GRIA4: variants seen among roughly 807,000 people sequenced by gnomAD.
GRIA4 encodes glutamate receptor 4.
In GRIA4, 34 loss-of-function variants were observed where a neutral mutation model predicts 104.0. That is an observed-to-expected ratio of 0.33 (90% CI 0.25 to 0.44). GRIA4 has a LOEUF of 0.44. Ranked by LOEUF, GRIA4 falls within the 20% of genes least tolerant of loss-of-function variation. The pLI, the probability that GRIA4 is intolerant of heterozygous loss-of-function variation, is 1.00. For missense variants in GRIA4, 750 were observed against 1,096.5 expected (o/e 0.68, Z 4.46); for synonymous variants, 386 against 381.9 (o/e 1.01, Z -0.13).
At chr11:105,907,579 C>T (rs1163184463) in intron 9 of GRIA4, among the ~76,000 whole-genome samples, 2 of 152,180 alleles carry the variant, frequency 1.3e-5, no homozygotes, top group Non-Finnish European at 2.9e-5. Flanking sequence ...CCACAAAGCT[C>T]TTTCTGAAGT....
At chr11:105,794,473 G>GTATGTATATATATA (rs1360490604) in intron 4 of GRIA4, among the ~76,000 whole-genome samples, 14 of 43,876 alleles carry the variant, frequency 3.2e-4, no homozygotes, top group Admixed American at 6.1e-4. Flanking sequence ...GTATATGTAT[G>GTATGTATATATATA]TATATATATA....
intron 6 of GRIA4, among the ~76,000 whole-genome samples, chr11:105,888,307 G>A (rs1303854864): frequency 6.8e-5 from 4 of 58,450 alleles, no homozygotes; most frequent in Admixed American, 5.4e-4. Flanking sequence ...TTTTTGAGAC[G>A]GAGTCTCACT....
rs145621957 is a variant in GRIA4, at chr11:105,697,433, A to T, written c.248-55548A>T. ...CTAAAATAGGCCTGAAAAGAGCCTG[A>T]CTCTGCTAAAAGGTGGGGCAAAGGT... is the stretch of plus-strand genomic sequence containing the variant. On this transcript the variant is annotated intron_variant, in intron 3 of 16. Transcript: ENST00000282499. Among the ~76,000 whole-genome samples the T allele has an allele frequency of 3.0e-4, 45 of 152,282 alleles. 1 individual carries two copies. Among genetic ancestry groups the T allele is most frequent in the African/African-American group, 9.1e-4 (38 of 41,580 alleles).
intron 5 of GRIA4, among the ~76,000 whole-genome samples, chr11:105,874,238 G>A (rs188811055): frequency 6.6e-6 from 1 of 152,104 alleles, no homozygotes; most frequent in Non-Finnish European, 1.5e-5. Flanking sequence ...GATGTATGGT[G>A]TTATTTCTGA....
chr11:105,854,182 G>A (rs928894496), intron 4 of GRIA4, among the ~76,000 whole-genome samples: 2 of 152,102 alleles, frequency 1.3e-5, no homozygotes, highest in Non-Finnish European at 2.9e-5. Context: ...GTAAAATCTA[G>A]AGTATATTAG....
intron 3 of GRIA4, among the ~76,000 whole-genome samples, chr11:105,697,090 T>G (rs1211007144): frequency 6.6e-6 from 1 of 152,194 alleles, no homozygotes; most frequent in Non-Finnish European, 1.5e-5. Flanking sequence ...TTTTATATTC[T>G]GAAATAGCTA....
intron 3 of GRIA4, among the ~76,000 whole-genome samples, chr11:105,660,980 T>C (rs898316071): frequency 4.0e-5 from 6 of 151,732 alleles, no homozygotes; most frequent in Admixed American, 3.3e-4. Flanking sequence ...AAAGTATGTG[T>C]TCTTAACCTT....
intron 5 of GRIA4, among the ~76,000 whole-genome samples, chr11:105,868,591 C>T (rs1945510089): frequency 2.6e-5 from 4 of 152,130 alleles, no homozygotes; most frequent in Non-Finnish European, 5.9e-5. Context: ...CTTCAATTAC[C>T]TGGGAGGCTT....
chr11:105,752,997 T>C lies in GRIA4; in HGVS notation c.264T>C (p.Ser88=), dbSNP rs1359695030. Residue 88 remains serine, a synonymous_variant, in exon 4 of 17, where the codon TCT becomes TCC. Transcript: ENST00000282499. ...TTGTTTCAGTCTGTTCCCAGTATTC[T>C]AGAGGAGTATTTGCCATTTTTGGAC... ...AVTNAFCSQY[S]RGVFAIFGLY... The C allele has an allele frequency of 1.2e-6, 2 of 1,613,020 alleles. No individual in the cohort carries two copies. The highest frequency in any genetic ancestry group is 1.3e-5 in the African/African-American group (1 of 74,898).
intron 4 of GRIA4, among the ~76,000 whole-genome samples, chr11:105,772,554 T>C (rs560216461): frequency 2.7e-4 from 41 of 152,210 alleles, no homozygotes; most frequent in African/African-American, 9.6e-4. Context: ...TTAATCAATT[T>C]TGGAGGGAGT....
At chr11:105,949,519 C>T (rs547148744) in intron 14 of GRIA4, among the ~76,000 whole-genome samples, 5 of 151,858 alleles carry the variant, frequency 3.3e-5, no homozygotes, top group Non-Finnish European at 5.9e-5. Flanking sequence ...TTACATAGAT[C>T]GTGTTGTAAT....
intron 3 of GRIA4, among the ~76,000 whole-genome samples, chr11:105,653,170 C>G (rs1400621202): frequency 1.3e-5 from 2 of 152,238 alleles, no homozygotes; most frequent in Non-Finnish European, 2.9e-5. Flanking sequence ...CTCGGCCTCC[C>G]AAAGTCCTGG....
chr11:105,853,804 A>C (rs1344052928), intron 4 of GRIA4, among the ~76,000 whole-genome samples: 1 of 152,164 alleles, frequency 6.6e-6, no homozygotes, highest in African/African-American at 2.4e-5. Context: ...GAGTTGGTCT[A>C]AGTGACAGGA....
At chr11:105,628,452 G>A (rs555222468) in intron 3 of GRIA4, among the ~76,000 whole-genome samples, 14 of 152,132 alleles carry the variant, frequency 9.2e-5, no homozygotes, top group African/African-American at 2.7e-4. Flanking sequence ...GGAGAGACCC[G>A]GACGTTGGAG....
intron 3 of GRIA4, among the ~76,000 whole-genome samples, chr11:105,639,616 G>T (rs182065325): frequency 4.0e-5 from 6 of 151,792 alleles, no homozygotes; most frequent in South Asian, 2.1e-4. Context: ...CAATGATGTT[G>T]CTATCATACT....
chr11:105,639,784 T>C (rs1295425765), intron 3 of GRIA4, among the ~76,000 whole-genome samples: 1 of 151,988 alleles, frequency 6.6e-6, no homozygotes, highest in African/African-American at 2.4e-5. Flanking sequence ...TTTTAGTTAG[T>C]GTCCAGTGTT....
intron 14 of GRIA4, among the ~76,000 whole-genome samples, chr11:105,953,932 A>G (rs117011830): frequency 0.012 from 1,874 of 152,274 alleles, 15 homozygotes; most frequent in Non-Finnish European, 0.019. Context: ...TTTTGTAAAT[A>G]GCACACTAAG....
At chr11:105,750,851 G>C (rs563630157) in intron 3 of GRIA4, among the ~76,000 whole-genome samples, 8 of 152,168 alleles carry the variant, frequency 5.3e-5, no homozygotes, top group Admixed American at 5.2e-4. Context: ...AAGAAAAGGA[G>C]TCCAGCATTG....
At chr11:105,682,752 A>G (rs1952750636) in intron 3 of GRIA4, among the ~76,000 whole-genome samples, 1 of 152,212 alleles carries the variant, frequency 6.6e-6, no homozygotes, top group Non-Finnish European at 1.5e-5. Context: ...TGCAATCTGA[A>G]GAAGAGCAGA....
Sources: gnomAD v4.1 joint callset for allele counts (sites outside exome capture counted in the v4.1 genomes callset) on GRCh38, gnomAD v4.1.1 for gene constraint, MANE v1.5 for transcripts, NCBI Gene and HGNC (gene_info 2026-07-23, HGNC 2026-07-21) for gene names.